REXO1: variants seen among roughly 807,000 people sequenced by gnomAD.
REXO1 encodes the protein REX1, RNA exonuclease 1 homolog.
REXO1 carries 42 observed loss-of-function variants against 102.6 expected under a neutral mutation model. The observed-to-expected ratio is 0.41, with a 90% CI of 0.32 to 0.53. The LOEUF (loss-of-function observed/expected upper bound fraction) is 0.53, where lower values mean the gene tolerates loss of function less well. REXO1 is among the 20% of genes least tolerant of loss of function. The probability of loss-of-function intolerance (pLI) is 0.27; values close to 1 mark genes in which losing one functional copy is unlikely to be tolerated. For missense variants in REXO1, 1,819 were observed against 1,732.5 expected, an observed-to-expected ratio of 1.05 and a Z score of -0.89; for synonymous variants, 908 against 779.1, an observed-to-expected ratio of 1.17 and a Z score of -2.76.
At chr19:1,817,156 C>T (rs1222580868) in intron 12 of REXO1, 63 bp downstream of exon 12, 1 of 1,586,568 alleles carries the variant, frequency 6.3e-7, no homozygotes, top group Non-Finnish European at 8.5e-7. Flanking sequence ...CCAGATGGGG[C>T]GGCCGCACCA....
chr19:1,839,439 ACCTCCACGGGGCGCTGCC>A (rs1443384443), intron 1 of REXO1, among the ~76,000 whole-genome samples: 1 of 152,136 alleles, frequency 6.6e-6, no homozygotes, highest in Admixed American at 6.5e-5. Flanking sequence ...TGGAGTGGGC[ACCTCCACGGGGCGCTGCC>A]CCTCAGCCAG....
intron 4 of REXO1, chr19:1,822,482 G>A (rs1317946605): frequency 6.6e-6 from 1 of 152,000 alleles, no homozygotes; most frequent in Non-Finnish European, 1.5e-5. Context: ...GCAGCCACAG[G>A]AGTCCTCCAA....
chr19:1,838,664 CAA>C (rs11433403), intron 1 of REXO1, among the ~76,000 whole-genome samples: 1 of 127,190 alleles, frequency 7.9e-6, no homozygotes. Context: ...GACTCCTTTT[CAA>C]AAAAAAAAAA....
At chr19:1,844,219 C>T (rs367697395) in intron 1 of REXO1, among the ~76,000 whole-genome samples, 11 of 152,256 alleles carry the variant, frequency 7.2e-5, no homozygotes, top group African/African-American at 2.7e-4. Flanking sequence ...CTGCCAGTTA[C>T]CAGCCACGCG....
At position 1,828,061 on chromosome 19, in the gene REXO1, C is replaced by T. The variant is rs984610128; in HGVS notation, c.728G>A (p.Arg243Gln). The T allele has an allele frequency of 5.6e-6, 9 of 1,613,110 alleles. No individual in the cohort carries two copies. Among genetic ancestry groups the T allele is most frequent in the Non-Finnish European group, 5.9e-6 (7 of 1,179,806 alleles). Residue 243 changes from arginine to glutamine, a missense_variant, in exon 2 of 16, where the codon CGG becomes CAG. Coordinates refer to ENST00000170168, the MANE Select transcript of REXO1 (RefSeq NM_020695.4). ...EYDPLSNYSA[R>Q]HLSRASSRDE... ...CCGGGAGCTGGCCCTGCTGAGGTGC[C>T]GGGCCGAGTAGTTGGAGAGAGGGTC...
intron 1 of REXO1, among the ~76,000 whole-genome samples, chr19:1,837,849 C>T (rs2070085807): frequency 1.3e-5 from 2 of 152,180 alleles, no homozygotes; most frequent in African/African-American, 2.4e-5. Context: ...CCGGCCTGAC[C>T]GGGGACCACC....
At chr19:1,824,704 A>G (rs79897506) in intron 3 of REXO1, among the ~76,000 whole-genome samples, 102 of 152,362 alleles carry the variant, frequency 6.7e-4, no homozygotes, top group African/African-American at 2.4e-3. Flanking sequence ...TGGGGAAATC[A>G]CTGATGCTTT....
Position 1,820,250 on chromosome 19 carries a change from C to T in REXO1, c.2526+14G>A. The T allele has an allele frequency of 1.2e-6, 2 of 1,610,074 alleles. No individual in the cohort carries two copies. Among genetic ancestry groups the T allele is most frequent in the African/African-American group, 2.7e-5 (2 of 74,830 alleles). On this transcript the variant is annotated intron_variant, in intron 6 of 15. Coordinates refer to ENST00000170168, the MANE Select transcript of REXO1 (RefSeq NM_020695.4). ...CCCCACCCGACCGGCCAGATAGGAA[C>T]TCCAGGACCTCACCTTCTCTATGGC...
rs568833709 is a variant in REXO1, at chr19:1,830,602, G to C, written c.158-1971C>G. ...CAGGTCTGATCCTCTGGAGTTGGCA[G>C]GAAATGGCGCCAAAGACGTCTGCGT... On this transcript the variant is annotated intron_variant, in intron 1 of 15. Transcript: ENST00000170168. 1.0e-4 allele frequency: 17 copies of C among 167,648 alleles called. No individual in the cohort carries two copies. The South Asian group carries it at 1.5e-3, about 15-fold the overall frequency. The allele number at this position is 167,648 out of a possible 1,614,324, so 10.4% of individuals were successfully genotyped here.
At chr19:1,818,113 G>A (rs565288864) in intron 10 of REXO1, among the ~76,000 whole-genome samples, 6 of 152,294 alleles carry the variant, frequency 3.9e-5, no homozygotes, top group East Asian at 3.9e-4. Flanking sequence ...GCGTGGCTGC[G>A]TGGTTGCCTG....
intron 1 of REXO1, among the ~76,000 whole-genome samples, chr19:1,835,435 C>G (rs1408527497): frequency 6.6e-6 from 1 of 152,148 alleles, no homozygotes; most frequent in Non-Finnish European, 1.5e-5. Flanking sequence ...GTAATCCCAG[C>G]TAGTCGGGAA....
intron 5 of REXO1, 149 bp downstream of exon 5, chr19:1,821,370 A>T: frequency 2.4e-6 from 2 of 819,228 alleles, no homozygotes; most frequent in Non-Finnish European, 3.9e-6. Flanking sequence ...ACACCAAGGC[A>T]TGGGGAGGGA....
Position 1,848,192 on chromosome 19 carries a change from C to A in REXO1, c.157+10G>T, listed in dbSNP as rs2011646035. The A allele has an allele frequency of 1.8e-5, 22 of 1,200,968 alleles. No individual in the cohort carries two copies. The highest frequency in any genetic ancestry group is 2.2e-5 in the Non-Finnish European group (21 of 960,302). 74.4% of individuals were successfully genotyped at this position (1,200,968 alleles called of 1,614,324 possible). A position where few individuals can be genotyped will look rare whatever the true frequency, so the allele number is the denominator to read the frequency against. On this transcript the variant is annotated intron_variant, in intron 1 of 15. Coordinates refer to ENST00000170168, the MANE Select transcript of REXO1 (RefSeq NM_020695.4). The stretch of plus-strand genomic sequence containing the variant: ...GCCGAGCCCAAGGCAAGCAGGCGGG[C>A]GGGCATTACCTGCTGCGGGGGGCGC...
chr19:1,829,523 T>C (rs1372326761), intron 1 of REXO1, among the ~76,000 whole-genome samples: 1 of 152,214 alleles, frequency 6.6e-6, no homozygotes, highest in Non-Finnish European at 1.5e-5. Flanking sequence ...TCAAAACTTT[T>C]TGTAGCTGGG....
At chr19:1,843,828 C>G (rs1194357351) in intron 1 of REXO1, among the ~76,000 whole-genome samples, 1 of 152,244 alleles carries the variant, frequency 6.6e-6, no homozygotes, top group Admixed American at 6.5e-5. Context: ...GGAAAGCCGG[C>G]TGTCTCCCAT....
At position 1,816,445 on chromosome 19, in the gene REXO1, G is replaced by A. The variant is rs369495588; in HGVS notation, c.3442C>T (p.Leu1148Phe). Residue 1148 changes from leucine to phenylalanine, a missense_variant, in exon 14 of 16, where the codon CTC (leucine) becomes TTC (phenylalanine). Physicochemically the swap from Leu to Phe is conservative, Grantham distance 22 (BLOSUM62 0). Transcript: ENST00000170168. ...CGGCAGGGCACCTTCAGGGCCAGGA[G>A]GTCGCTCTCCAGGCTGTGTCCGATG... ...ILIGHSLESD[L>F]LALKVIHSTV... 12 of 1,611,864 alleles carry A rather than the reference G, an allele frequency of 7.4e-6. No individual in the cohort carries two copies. The highest frequency in any genetic ancestry group is 1.3e-5 in the African/African-American group (1 of 74,914).
intron 10 of REXO1, among the ~76,000 whole-genome samples, 198 bp downstream of exon 10, chr19:1,818,284 A>G (rs879841498): frequency 2.6e-5 from 4 of 152,188 alleles, no homozygotes; most frequent in Admixed American, 2.6e-4. Flanking sequence ...CTCTTGTCTT[A>G]CTTTTGCATA....
At chr19:1,828,716 G>T in intron 1 of REXO1, 85 bp from the exon 2 acceptor site, 1 of 1,445,964 alleles carries the variant, frequency 6.9e-7, no homozygotes, top group East Asian at 2.5e-5. Context: ...CAAACTGCAG[G>T]GAAGGGAAGA....
In REXO1 at chr19:1,828,514, T is replaced by A. The variant is rs1472907506; in HGVS notation, c.275A>T (p.Asn92Ile). 1 of 1,604,854 alleles carries A rather than the reference T, an allele frequency of 6.2e-7. No individual in the cohort carries two copies. Among genetic ancestry groups the A allele is most frequent in the East Asian group, 2.2e-5 (1 of 44,864 alleles). The change falls in exon 2 of 16, where the codon AAC becomes ATC. Residue 92 changes from asparagine (N) to isoleucine (I), a missense_variant. Transcript: ENST00000170168. The part of the protein sequence containing the change: ...RPDVLELELV[N>I]QAIEAVRSEV... ...ACTGCGCACGGCCTCGATGGCCTGG[T>A]TGACCAGCTCCAACTCCAGCACATC... is the stretch of plus-strand genomic sequence containing the variant.
Sources: allele counts gnomAD v4.1 joint callset (sites outside exome capture counted in the v4.1 genomes callset), GRCh38; gene constraint gnomAD v4.1.1; transcripts MANE v1.5; gene names NCBI Gene and HGNC (gene_info 2026-07-23, HGNC 2026-07-21).